PDE1A: variants seen among roughly 807,000 people sequenced by gnomAD.
The protein encoded by PDE1A is phosphodiesterase 1A, also known as dual specificity calcium/calmodulin-dependent 3',5'-cyclic nucleotide phosphodiesterase 1A.
PDE1A carries 35 observed loss-of-function variants against 61.7 expected under a neutral mutation model. That is an observed-to-expected ratio of 0.57 (90% CI 0.43 to 0.75). The LOEUF (loss-of-function observed/expected upper bound fraction) is 0.75. Ranked by LOEUF, PDE1A falls within the 30% of genes least tolerant of loss-of-function variation. PDE1A has a pLI of 0.00. For missense variants in PDE1A, 597 were observed against 630.6 expected (o/e 0.95, Z 0.57); for synonymous variants, 232 against 213.2 (o/e 1.09, Z -0.77).
chr2:182,683,389 T>C, the PDE1A span, among the ~76,000 whole-genome samples: 1 of 152,110 alleles, frequency 6.6e-6, no homozygotes, highest in African/African-American at 2.4e-5. Context: ...CAACTTGTGT[T>C]TTCAAAACAA....
the PDE1A span, among the ~76,000 whole-genome samples, chr2:182,541,973 C>T: frequency 2.6e-5 from 4 of 152,114 alleles, no homozygotes; most frequent in Admixed American, 2.6e-4. Context: ...CCTTTTCCAA[C>T]TAATAAACCT....
the PDE1A span, among the ~76,000 whole-genome samples, chr2:182,544,276 G>C: frequency 2.6e-5 from 4 of 152,126 alleles, no homozygotes; most frequent in Non-Finnish European, 5.9e-5. Context: ...AGTAGCAGCA[G>C]GACTAGCCCT....
chr2:182,684,480 T>C, the PDE1A span, among the ~76,000 whole-genome samples: 3 of 152,182 alleles, frequency 2.0e-5, no homozygotes, highest in African/African-American at 7.2e-5. Flanking sequence ...CTGCAAGCCT[T>C]ATGTAAGTAA....
chr2:182,485,860 A>G (rs945924559), intron 2 of PDE1A, among the ~76,000 whole-genome samples: 2 of 152,024 alleles, frequency 1.3e-5, no homozygotes, highest in Admixed American at 6.6e-5. Context: ...AAGGGCATCT[A>G]AGAGAAGCAT....
chr2:182,562,813 T>C, the PDE1A span, among the ~76,000 whole-genome samples: 2 of 152,216 alleles, frequency 1.3e-5, no homozygotes, highest in Non-Finnish European at 2.9e-5. Flanking sequence ...AATTTATCCA[T>C]TTCTTCTAGA....
chr2:182,172,578 A>G (rs949086150), intron 13 of PDE1A, among the ~76,000 whole-genome samples: 3 of 152,058 alleles, frequency 2.0e-5, no homozygotes, highest in African/African-American at 7.2e-5. Flanking sequence ...CACTCTTACT[A>G]GAACTCTAAT....
chr2:182,546,900 T>C, the PDE1A span, among the ~76,000 whole-genome samples: 3 of 152,286 alleles, frequency 2.0e-5, no homozygotes, highest in Admixed American at 6.5e-5. Context: ...TAAAGGACAA[T>C]AGAAGTTATT....
intron 2 of PDE1A, among the ~76,000 whole-genome samples, chr2:182,476,249 G>A (rs1195449144): frequency 6.6e-6 from 1 of 151,892 alleles, no homozygotes; most frequent in Non-Finnish European, 1.5e-5. Context: ...CCAGCACTTT[G>A]GGAGGCCAAG....
chr2:182,649,654 A>G, the PDE1A span, among the ~76,000 whole-genome samples: 1 of 150,330 alleles, frequency 6.7e-6, no homozygotes, highest in Admixed American at 6.6e-5. Flanking sequence ...TTTTTCACCC[A>G]GGCTTGATTG....
chr2:182,439,288 G>C (rs1684640720), intron 2 of PDE1A, among the ~76,000 whole-genome samples: 1 of 151,900 alleles, frequency 6.6e-6, no homozygotes, highest in South Asian at 2.1e-4. Context: ...TGTGATGAAA[G>C]AGGAAAGAAG....
intron 2 of PDE1A, among the ~76,000 whole-genome samples, chr2:182,498,610 G>A (rs1008302347): frequency 6.6e-6 from 1 of 151,954 alleles, no homozygotes; most frequent in Non-Finnish European, 1.5e-5. Flanking sequence ...TGAAAGGCAT[G>A]TATTTCCAGA....
At chr2:182,630,063 T>G in the PDE1A span, among the ~76,000 whole-genome samples, 1 of 152,168 alleles carries the variant, frequency 6.6e-6, no homozygotes. Context: ...TTGGATGATC[T>G]CCTCATCATT....
intron 1 of PDE1A, among the ~76,000 whole-genome samples, chr2:182,336,406 G>T (rs1697813588): frequency 6.6e-6 from 1 of 152,094 alleles, no homozygotes; most frequent in African/African-American, 2.4e-5. Flanking sequence ...AAGAAAATGT[G>T]GCACATATGC....
chr2:182,412,450 T>G (rs552481458), intron 1 of PDE1A, among the ~76,000 whole-genome samples: 17 of 152,328 alleles, frequency 1.1e-4, no homozygotes, highest in Admixed American at 1.0e-3. Context: ...GAAATTCAGT[T>G]TCTTTATCCA....
At chr2:182,526,748 G>A (rs1375340925), upstream of PDE1A, among the ~76,000 whole-genome samples, 1 of 152,144 alleles carries the variant, frequency 6.6e-6, no homozygotes, top group Admixed American at 6.5e-5. Flanking sequence ...TTGGAGGAAT[G>A]AATCCTGAAA....
chr2:182,310,744 C>T (rs1361236498), intron 1 of PDE1A, among the ~76,000 whole-genome samples: 3 of 152,168 alleles, frequency 2.0e-5, no homozygotes, highest in Non-Finnish European at 4.4e-5. Context: ...CTCACTTTCA[C>T]GTTGCCATAC....
At chr2:182,392,859 T>C (rs1701496561) in intron 1 of PDE1A, among the ~76,000 whole-genome samples, 1 of 152,266 alleles carries the variant, frequency 6.6e-6, no homozygotes, top group Non-Finnish European at 1.5e-5. Context: ...TGGGTTCCCA[T>C]GGTCTTGGGC....
At chr2:182,482,483 G>A (rs1376426715) in intron 2 of PDE1A, among the ~76,000 whole-genome samples, 1 of 151,768 alleles carries the variant, frequency 6.6e-6, no homozygotes, top group African/African-American at 2.4e-5. Context: ...GACCATGAAG[G>A]AGTAAAAGGA....
chr2:182,413,302 G>C (rs2125534540), intron 1 of PDE1A, among the ~76,000 whole-genome samples: 1 of 152,294 alleles, frequency 6.6e-6, no homozygotes, highest in East Asian at 1.9e-4. Flanking sequence ...CTGATAACTT[G>C]AGAACCAAGG....
Sources: allele counts gnomAD v4.1 joint callset (sites outside exome capture counted in the v4.1 genomes callset), GRCh38; gene constraint gnomAD v4.1.1; transcripts MANE v1.5; gene names NCBI Gene and HGNC (gene_info 2026-07-23, HGNC 2026-07-21).